MAST4: variants seen among roughly 807,000 people sequenced by gnomAD.
MAST4 encodes the protein microtubule-associated serine/threonine-protein kinase 4.
A neutral mutation model predicts 162.7 loss-of-function variants in MAST4; 89 were observed. The ratio of observed to expected loss-of-function variants is 0.55; its 90% CI spans 0.46 to 0.65. MAST4 has a LOEUF of 0.65. Among genes scored for constraint, MAST4 ranks in the 30% least tolerant of loss-of-function variants. The pLI, the probability that MAST4 is intolerant of heterozygous loss-of-function variation, is 0.00. For synonymous variants in MAST4, 1,479 were observed against 1,361.1 expected, an observed-to-expected ratio of 1.09 and a Z score of -1.91; for missense variants, 3,153 against 3,374.0, an observed-to-expected ratio of 0.93 and a Z score of 1.62.
chr5:66,824,377 G>A (rs27766), intron 3 of MAST4, among the ~76,000 whole-genome samples: 23,891 of 152,060 alleles, frequency 0.16, 2,187 homozygotes, highest in East Asian at 0.44. Flanking sequence ...CTAGTGTGGC[G>A]GGAGAAACAA....
At chr5:66,765,742 C>G (rs894655041) in intron 2 of MAST4, among the ~76,000 whole-genome samples, 1 of 152,106 alleles carries the variant, frequency 6.6e-6, no homozygotes, top group Admixed American at 6.6e-5. Context: ...CCCAAAACCC[C>G]ATAATTTCAC....
intron 4 of MAST4, among the ~76,000 whole-genome samples, chr5:67,046,725 A>G (rs1009836332): frequency 3.9e-5 from 6 of 152,218 alleles, no homozygotes; most frequent in Non-Finnish European, 7.3e-5. Context: ...ATAAGGTAAT[A>G]TATATTTTCC....
chr5:66,979,557 A>G (rs906789148), intron 4 of MAST4, among the ~76,000 whole-genome samples: 2 of 152,206 alleles, frequency 1.3e-5, no homozygotes. Context: ...CCCAGAAGCT[A>G]GAGAATGATC....
intron 1 of MAST4, among the ~76,000 whole-genome samples, chr5:66,635,298 G>A (rs1337332091): frequency 6.6e-6 from 1 of 152,202 alleles, no homozygotes; most frequent in Non-Finnish European, 1.5e-5. Flanking sequence ...CGACACGTTA[G>A]TTTTGTTTGC....
intron 1 of MAST4, among the ~76,000 whole-genome samples, chr5:66,678,169 A>G (rs1463375876): frequency 6.6e-6 from 1 of 152,018 alleles, no homozygotes; most frequent in Admixed American, 6.6e-5. Context: ...AAAGACACAT[A>G]CTGCATGATT....
intron 3 of MAST4, among the ~76,000 whole-genome samples, chr5:66,883,671 C>G (rs1761853951): frequency 6.6e-6 from 1 of 152,096 alleles, no homozygotes; most frequent in African/African-American, 2.4e-5. Context: ...TCGTGATCCA[C>G]CCACCTTGGC....
intron 1 of MAST4, among the ~76,000 whole-genome samples, chr5:66,659,269 C>T (rs547966284): frequency 5.9e-5 from 9 of 152,234 alleles, no homozygotes; most frequent in Admixed American, 2.0e-4. Flanking sequence ...GATGACTATT[C>T]GGCCAATCAG....
intron 3 of MAST4, among the ~76,000 whole-genome samples, chr5:66,845,257 A>G (rs1471457337): frequency 1.3e-5 from 2 of 151,262 alleles, no homozygotes; most frequent in African/African-American, 2.4e-5. Flanking sequence ...TCCTAATGCT[A>G]TCCCTCACCC....
rs138182023 is a variant in MAST4 at position 66,942,528 on chromosome 5, G to A, written c.674+42546G>A. On this transcript the variant is annotated intron_variant, in intron 4 of 28. Transcript: ENST00000403625. Reference sequence around the variant, plus strand: ...ACTTGCAAATTTAAAAGTTATTTAGGTATAACTAGCTAGTGGCTGTCATGC... The same window carrying A: ...ACTTGCAAATTTAAAAGTTATTTAGATATAACTAGCTAGTGGCTGTCATGC... Among the ~76,000 whole-genome samples the A allele has an allele frequency of 4.6e-3, 698 of 152,158 alleles. 4 individuals carry two copies. Among genetic ancestry groups the A allele is most frequent in the Non-Finnish European group, 5.4e-3 (368 of 67,988 alleles).
At chr5:66,978,707 G>A (rs544164005) in intron 4 of MAST4, among the ~76,000 whole-genome samples, 1 of 152,308 alleles carries the variant, frequency 6.6e-6, no homozygotes, top group South Asian at 2.1e-4. Context: ...GTATGTTCAA[G>A]GATGCTAGGT....
chr5:66,788,704 G>C lies in MAST4; in HGVS notation c.552G>C (p.Gln184His). The change falls in exon 3 of 29, where the codon CAG (glutamine) becomes CAC (histidine). Residue 184 changes from glutamine (Q) to histidine (H), a missense_variant. Gln to His is a conservative substitution (Grantham distance 24). Coordinates refer to ENST00000403625, the MANE Select transcript of MAST4 (RefSeq NM_001164664.2). Reference protein sequence around the residue: ...RYLLPNPVAGQAWPASAETSN... With the variant: ...RYLLPNPVAGHAWPASAETSN... ...TTCTTCCAAACCCGGTGGCGGGACA[G>C]GCCTGGCCGGCCTCTGCAGAGACGT... is the stretch of plus-strand genomic sequence containing the variant. 1.9e-6 allele frequency: 3 copies of C among 1,611,032 alleles called. No homozygotes were observed. Among genetic ancestry groups the C allele is most frequent in the Non-Finnish European group, 2.5e-6 (3 of 1,178,214 alleles).
rs147851129 is a variant in MAST4, at chr5:66,663,876, A to G, written c.363+66858A>G. 2.0e-5 allele frequency among the ~76,000 whole-genome samples: 3 copies of G among 152,318 alleles called. No homozygotes were observed. In the East Asian group the frequency reaches 5.8e-4, roughly 29 times the overall value. The stretch of plus-strand genomic sequence containing the variant: ...TGTTGAGGATAGATTGTGGGAGGCT[A>G]AGATGGAAGGAGGAGACCAGCTAGA... On this transcript the variant is annotated intron_variant, in intron 1 of 28. Coordinates refer to ENST00000403625, the MANE Select transcript of MAST4 (RefSeq NM_001164664.2).
chr5:67,049,008 C>CACATATATATATACGT, intron 4 of MAST4, among the ~76,000 whole-genome samples: 1 of 104,512 alleles, frequency 9.6e-6, no homozygotes, highest in African/African-American at 4.1e-5. Flanking sequence ...TATACACACA[C>CACATATATATATACGT]ATATATATAT....
At chr5:66,856,282 C>T (rs13163792) in intron 3 of MAST4, among the ~76,000 whole-genome samples, 18,698 of 152,106 alleles carry the variant, frequency 0.12, 1,291 homozygotes, top group Admixed American at 0.16. Context: ...CTGCAGGGTG[C>T]GATGCAGGCC....
At chr5:66,974,973 C>T (rs1048275750) in intron 4 of MAST4, among the ~76,000 whole-genome samples, 1 of 152,192 alleles carries the variant, frequency 6.6e-6, no homozygotes, top group Non-Finnish European at 1.5e-5. Context: ...CCTCTGAAAC[C>T]TGTAAACATT....
chr5:66,872,584 C>T (rs932601320), intron 3 of MAST4, among the ~76,000 whole-genome samples: 10 of 152,298 alleles, frequency 6.6e-5, no homozygotes, highest in Non-Finnish European at 5.9e-5. Flanking sequence ...GGCATCCCTT[C>T]CCGCCGAGCC....
chr5:66,849,855 A>G (rs973210567), intron 3 of MAST4, among the ~76,000 whole-genome samples: 1 of 152,228 alleles, frequency 6.6e-6, no homozygotes, highest in Admixed American at 6.5e-5. Flanking sequence ...TAATCAGGGC[A>G]GAAAGTTTAA....
chr5:66,659,661 A>G (rs1746779225), intron 1 of MAST4, among the ~76,000 whole-genome samples: 2 of 152,220 alleles, frequency 1.3e-5, no homozygotes, highest in Admixed American at 1.3e-4. Context: ...TCATTTGGCC[A>G]ACATTGATTG....
chr5:66,764,644 GA>G (rs1251533676), intron 2 of MAST4, among the ~76,000 whole-genome samples: 2 of 151,100 alleles, frequency 1.3e-5, no homozygotes, highest in Admixed American at 1.3e-4. Context: ...AAAAGTAAAA[GA>G]AAAAAATAGA....
Sources: gnomAD v4.1 joint callset for allele counts (sites outside exome capture counted in the v4.1 genomes callset) on GRCh38, gnomAD v4.1.1 for gene constraint, MANE v1.5 for transcripts, NCBI Gene and HGNC (gene_info 2026-07-23, HGNC 2026-07-21) for gene names.